The following DST variants were observed in gnomAD, a reference collection of about 807,000 sequenced individuals.
DST encodes the protein dystonin.
A neutral mutation model predicts 875.2 loss-of-function variants in DST; 253 were observed. The ratio of observed to expected loss-of-function variants is 0.29; its 90% CI spans 0.26 to 0.32. The LOEUF (loss-of-function observed/expected upper bound fraction) is 0.32, where lower values mean the gene tolerates loss of function less well. DST is among the 10% of genes least tolerant of loss of function. The pLI is 1.00. For missense variants in DST, 8,287 were observed against 9,111.6 expected, an observed-to-expected ratio of 0.91 and a Z score of 3.68; for synonymous variants, 3,124 against 3,197.1, an observed-to-expected ratio of 0.98 and a Z score of 0.77.
intron 102 of DST, among the ~76,000 whole-genome samples, chr6:56,462,464 T>C (rs2094383305): frequency 6.6e-6 from 1 of 152,202 alleles, no homozygotes; most frequent in African/African-American, 2.4e-5. Context: ...AATAACTTTC[T>C]GCATACCTAA....
intron 55 of DST, among the ~76,000 whole-genome samples, chr6:56,567,962 C>T (rs972263963): frequency 1.3e-5 from 2 of 152,054 alleles, no homozygotes; most frequent in Admixed American, 6.5e-5. Context: ...ACAGATATGC[C>T]GGCTCACATA....
At chr6:56,618,513 C>T (rs1338309053) in intron 36 of DST, 5 of 1,614,200 alleles carry the variant, frequency 3.1e-6, no homozygotes, top group Non-Finnish European at 3.4e-6. Context: ...TTTTCAACCT[C>T]ACGCTTCTGG....
At chr6:56,796,532 T>C (rs115905620) in intron 4 of DST, among the ~76,000 whole-genome samples, 268 of 152,248 alleles carry the variant, frequency 1.8e-3, no homozygotes, top group African/African-American at 6.2e-3. Context: ...ATCCAAAAAT[T>C]TGTTATCTAG....
At chr6:56,468,893 A>C in intron 98 of DST, 89 bp downstream of exon 98, 2 of 1,045,736 alleles carry the variant, frequency 1.9e-6, no homozygotes, top group Non-Finnish European at 2.8e-6. Context: ...CAGCATGGGA[A>C]AGATTGGCCA....
At chr6:56,783,049 A>G (rs1308788570) in intron 4 of DST, among the ~76,000 whole-genome samples, 1 of 152,114 alleles carries the variant, frequency 6.6e-6, no homozygotes, top group Non-Finnish European at 1.5e-5. Flanking sequence ...TGAGTTTCTT[A>G]ATCCTGAGTT....
rs201907606 is a variant in DST, at chr6:56,939,506, TG to T, written c.216+14278del. The stretch of plus-strand genomic sequence containing the variant: ...ATGGATGGATACGTGAATGAACAGA[TG>T]GGGGGATAGATAAATAAAGAGCTAC... On this transcript the variant is annotated intron_variant, in intron 2 of 103. Coordinates refer to ENST00000680361, the MANE Select transcript of DST (RefSeq NM_001374736.1). Among the ~76,000 whole-genome samples, 1,373 of 152,088 alleles carry T rather than the reference TG, an allele frequency of 9.0e-3. 24 individuals are homozygous for T. The highest frequency in any genetic ancestry group is 0.031 in the African/African-American group (1,303 of 41,496).
At chr6:56,800,551 C>T (rs73457713) in intron 4 of DST, among the ~76,000 whole-genome samples, 146 of 152,102 alleles carry the variant, frequency 9.6e-4, no homozygotes, top group African/African-American at 3.4e-3. Flanking sequence ...ACATCCCCAG[C>T]GAAAAAGAAT....
chr6:56,535,986 C>T (rs998063559), intron 62 of DST, among the ~76,000 whole-genome samples: 1 of 152,222 alleles, frequency 6.6e-6, no homozygotes, highest in African/African-American at 2.4e-5. Context: ...GTGCACTACA[C>T]ATATGTATCA....
intron 9 of DST, among the ~76,000 whole-genome samples, chr6:56,676,192 G>A (rs966060156): frequency 3.3e-5 from 5 of 152,086 alleles, no homozygotes; most frequent in African/African-American, 7.2e-5. Context: ...TTAGCCTCCC[G>A]AGTAACTGGC....
chr6:56,467,547 G>GA (rs1301157130), intron 98 of DST: 1 of 151,958 alleles, frequency 6.6e-6, no homozygotes, highest in African/African-American at 2.4e-5. Context: ...TATTTTGTTA[G>GA]AAAAAAATTG....
rs2096747579 is a variant in DST at position 56,523,754 on chromosome 6, T to A, written c.18129+2607A>T. ...CCCTGATTTAACTGGGACAAATCAT[T>A]AAATCTATAAATTTTAAAATTGTTA... On this transcript the variant is annotated intron_variant, in intron 69 of 103. Transcript: ENST00000680361. 1.3e-5 allele frequency among the ~76,000 whole-genome samples: 2 copies of A among 152,148 alleles called. 1 individual carries two copies. Among genetic ancestry groups the A allele is most frequent in the South Asian group, 4.1e-4 (2 of 4,826 alleles).
At chr6:56,677,742 T>C (rs1349510752) in intron 9 of DST, among the ~76,000 whole-genome samples, 4 of 152,186 alleles carry the variant, frequency 2.6e-5, no homozygotes, top group Admixed American at 2.6e-4. Flanking sequence ...ATGCCTCACA[T>C]CCTGGTCATT....
chr6:56,753,797 G>A (rs1349801860), intron 4 of DST, among the ~76,000 whole-genome samples: 2 of 152,168 alleles, frequency 1.3e-5, no homozygotes, highest in Non-Finnish European at 2.9e-5. Flanking sequence ...AATGAAATGA[G>A]TAAGCACAAG....
At chr6:56,703,096 A>G (rs2099317467) in intron 7 of DST, among the ~76,000 whole-genome samples, 2 of 152,314 alleles carry the variant, frequency 1.3e-5, no homozygotes, top group South Asian at 4.1e-4. Flanking sequence ...CAGCTCTGTG[A>G]GTTCTGTTGG....
chr6:56,493,187 C>A, intron 83 of DST, 98 bp from the exon 84 acceptor site: 2 of 1,072,500 alleles, frequency 1.9e-6, no homozygotes, highest in Non-Finnish European at 2.6e-6. Flanking sequence ...TTCCTATCCC[C>A]ACTTTATTTA....
intron 69 of DST, among the ~76,000 whole-genome samples, chr6:56,526,046 AAT>A (rs1465381044): frequency 6.6e-6 from 1 of 152,202 alleles, no homozygotes. Context: ...CATAAAAATT[AAT>A]ATCAGCAATA....
chr6:56,629,575 T>C (rs1312262124), intron 31 of DST, 132 bp from the exon 32 acceptor site: 3 of 705,236 alleles, frequency 4.3e-6, no homozygotes, highest in East Asian at 2.7e-5. Context: ...ATATCTTTCA[T>C]ATGCACAATA....
At chr6:56,849,134 A>ATTTTTTTT (rs755617631) in intron 4 of DST, among the ~76,000 whole-genome samples, 5 of 114,964 alleles carry the variant, frequency 4.3e-5, no homozygotes, top group African/African-American at 7.3e-5. Flanking sequence ...AATTCATGCA[A>ATTTTTTTT]TTTTTTTTTT....
At chr6:56,499,098 T>G (rs1040690956) in intron 80 of DST, among the ~76,000 whole-genome samples, 1 of 152,152 alleles carries the variant, frequency 6.6e-6, no homozygotes, top group African/African-American at 2.4e-5. Flanking sequence ...GCTTACATTT[T>G]TGGAAAGCAG....
Sources: allele counts gnomAD v4.1 joint callset (sites outside exome capture counted in the v4.1 genomes callset), GRCh38; gene constraint gnomAD v4.1.1; transcripts MANE v1.5; gene names NCBI Gene and HGNC (gene_info 2026-07-23, HGNC 2026-07-21).